The following ADARB2 variants were observed in gnomAD, a reference collection of about 807,000 sequenced individuals.
ADARB2 encodes inactive double-stranded RNA-specific editase B2.
Under a neutral mutation model 62.2 loss-of-function variants are expected in ADARB2, and 25 were observed. The ratio of observed to expected loss-of-function variants is 0.40; its 90% CI spans 0.29 to 0.56. ADARB2 has a LOEUF of 0.56. ADARB2 is among the 20% of genes least tolerant of loss of function. ADARB2 has a pLI of 0.43. For missense variants in ADARB2, 1,071 were observed against 1,077.4 expected, an observed-to-expected ratio of 0.99 and a Z score of 0.08; for synonymous variants, 572 against 500.8, an observed-to-expected ratio of 1.14 and a Z score of -1.90.
At chr10:1,637,235 T>G (rs1833927992) in intron 1 of ADARB2, among the ~76,000 whole-genome samples, 1 of 144,370 alleles carries the variant, frequency 6.9e-6, no homozygotes, top group African/African-American at 2.5e-5. Flanking sequence ...TCTGCCGTGA[T>G]GATGTAAATC....
At chr10:1,556,261 CTTTTT>C in intron 1 of ADARB2, among the ~76,000 whole-genome samples, 1 of 147,464 alleles carries the variant, frequency 6.8e-6, no homozygotes, top group African/African-American at 2.5e-5. Flanking sequence ...AACAAAAAGT[CTTTTT>C]TTTTTTTTTT....
chr10:1,298,872 T>A (rs1042288629), intron 3 of ADARB2, among the ~76,000 whole-genome samples: 4 of 151,370 alleles, frequency 2.6e-5, no homozygotes. Flanking sequence ...CCCGAGAAGC[T>A]AGGACCACTG....
chr10:1,416,077 C>T (rs368846079), intron 1 of ADARB2, among the ~76,000 whole-genome samples: 26 of 152,362 alleles, frequency 1.7e-4, no homozygotes, highest in African/African-American at 5.3e-4. Context: ...CATCACTGTG[C>T]CATCCGTGAA....
chr10:1,225,598 G>A (rs12780737), intron 6 of ADARB2, among the ~76,000 whole-genome samples: 40,752 of 150,766 alleles, frequency 0.27, 6,388 homozygotes, highest in South Asian at 0.44. Context: ...TTCTTGTAGG[G>A]CAGGCCTGGT....
Position 1,309,170 on chromosome 10 carries a change from G to A in ADARB2, c.1078-38101C>T, listed in dbSNP as rs1231907542. Among the ~76,000 whole-genome samples, 3 of 152,186 alleles carry A rather than the reference G, an allele frequency of 2.0e-5. 1 individual carries two copies. The highest frequency in any genetic ancestry group is 1.3e-4 in the Admixed American group (2 of 15,282). On this transcript the variant is annotated intron_variant, in intron 3 of 9. Transcript: ENST00000381312. Reference sequence around the variant, plus strand: ...TGGGACATGTCTGAGGTTGCCTCTAGGGGGTTCAAGACTCCATACCCAGAG... The same window carrying A: ...TGGGACATGTCTGAGGTTGCCTCTAAGGGGTTCAAGACTCCATACCCAGAG...
intron 7 of ADARB2, chr10:1,216,632 C>T (rs1439106559): frequency 2.9e-5 from 11 of 374,004 alleles, no homozygotes; most frequent in South Asian, 1.0e-4. Flanking sequence ...CCCGACTGGC[C>T]GGCAGCCTCA....
At chr10:1,720,026 T>A (rs1835070675) in intron 1 of ADARB2, among the ~76,000 whole-genome samples, 1 of 152,204 alleles carries the variant, frequency 6.6e-6, no homozygotes, top group Admixed American at 6.5e-5. Context: ...CCTGGGGGTA[T>A]ACCCACCCCC....
intron 1 of ADARB2, among the ~76,000 whole-genome samples, chr10:1,593,987 C>T (rs899268229): frequency 6.6e-6 from 1 of 152,154 alleles, no homozygotes; most frequent in Non-Finnish European, 1.5e-5. Flanking sequence ...TCCTGATGTA[C>T]TGACTTAAAA....
At chr10:1,374,188 T>C (rs568214805) in intron 2 of ADARB2, among the ~76,000 whole-genome samples, 1 of 152,346 alleles carries the variant, frequency 6.6e-6, no homozygotes, top group East Asian at 1.9e-4. Flanking sequence ...GAGCTGCACG[T>C]ATCCTTCCAC....
intron 1 of ADARB2, among the ~76,000 whole-genome samples, chr10:1,469,247 C>T (rs776807337): frequency 6.6e-6 from 1 of 152,238 alleles, no homozygotes; most frequent in Admixed American, 6.5e-5. Context: ...CTGCAAAGCA[C>T]CGCGGTCTGC....
chr10:1,288,595 A>G (rs1318117423), intron 3 of ADARB2, among the ~76,000 whole-genome samples: 1 of 152,208 alleles, frequency 6.6e-6, no homozygotes, highest in African/African-American at 2.4e-5. Context: ...TGAGACGCTG[A>G]GGAGAGAGAA....
At chr10:1,658,613 G>A (rs1834203842) in intron 1 of ADARB2, among the ~76,000 whole-genome samples, 1 of 152,176 alleles carries the variant, frequency 6.6e-6, no homozygotes, top group Non-Finnish European at 1.5e-5. Context: ...TGGTGCAGGG[G>A]AAGCTCCCAG....
chr10:1,664,955 C>T (rs6560757), intron 1 of ADARB2, among the ~76,000 whole-genome samples: 151,290 of 152,266 alleles, frequency 0.99, 75,164 homozygotes, highest in Middle Eastern at 1. Flanking sequence ...AGATGGCATT[C>T]AGGAGGCCAC....
chr10:1,589,250 C>T (rs1020817327), intron 1 of ADARB2, among the ~76,000 whole-genome samples: 1 of 152,234 alleles, frequency 6.6e-6, no homozygotes, highest in African/African-American at 2.4e-5. Context: ...ACCTACCCAC[C>T]TTCAGCCTGA....
In ADARB2 at chr10:1,293,760, G is replaced by A. The variant is rs182846456; in HGVS notation, c.1078-22691C>T. 1.3e-4 allele frequency among the ~76,000 whole-genome samples: 20 copies of A among 152,258 alleles called. No homozygotes were observed. The East Asian group carries it at 2.1e-3, about 16-fold the overall frequency. On this transcript the variant is annotated intron_variant, in intron 3 of 9. Transcript: ENST00000381312. ...GGGAAATAAATCTGACACCAACCTC[G>A]GAAGATGGTAATGCATTCAAGGCTT...
intron 3 of ADARB2, among the ~76,000 whole-genome samples, chr10:1,341,375 C>T (rs1474338972): frequency 6.7e-6 from 1 of 148,496 alleles, no homozygotes; most frequent in Non-Finnish European, 1.5e-5. Flanking sequence ...TCAGCATCAG[C>T]CAGAGAACCA....
At chr10:1,412,951 C>T (rs376819698) in intron 1 of ADARB2, among the ~76,000 whole-genome samples, 1 of 152,244 alleles carries the variant, frequency 6.6e-6, no homozygotes, top group Non-Finnish European at 1.5e-5. Context: ...CAGCCGCCCA[C>T]CCTAATGGAG....
At chr10:1,361,401 C>A (rs890583491) in intron 3 of ADARB2, 1 of 152,204 alleles carries the variant, frequency 6.6e-6, no homozygotes, top group Non-Finnish European at 1.5e-5. Flanking sequence ...TTGCTGTCTG[C>A]CACCTTGTTT....
chr10:1,573,004 C>T (rs1832961246), intron 1 of ADARB2, among the ~76,000 whole-genome samples: 1 of 152,238 alleles, frequency 6.6e-6, no homozygotes, highest in Non-Finnish European at 1.5e-5. Flanking sequence ...GCCAGAGTGG[C>T]CCCAGCCTGT....
Sources: allele counts gnomAD v4.1 joint callset (sites outside exome capture counted in the v4.1 genomes callset), GRCh38; gene constraint gnomAD v4.1.1; transcripts MANE v1.5; gene names NCBI Gene and HGNC (gene_info 2026-07-23, HGNC 2026-07-21).